CNTN4: variants seen among roughly 807,000 people sequenced by gnomAD.
The protein encoded by CNTN4 is contactin-4.
Under a neutral mutation model 122.5 loss-of-function variants are expected in CNTN4, and 77 were observed. That is an observed-to-expected ratio of 0.63 (90% CI 0.52 to 0.76). CNTN4 has a LOEUF of 0.76. Ranked by LOEUF, CNTN4 falls within the 30% of genes least tolerant of loss-of-function variation. The pLI is 0.00. For missense variants in CNTN4, 1,256 were observed against 1,259.1 expected, an observed-to-expected ratio of 1.00 and a Z score of 0.04; for synonymous variants, 512 against 447.0, an observed-to-expected ratio of 1.15 and a Z score of -1.83.
chr3:2,938,912 G>A (rs1239214710), intron 13 of CNTN4, among the ~76,000 whole-genome samples: 1 of 152,150 alleles, frequency 6.6e-6, no homozygotes, highest in Non-Finnish European at 1.5e-5. Context: ...ATGTCATTAA[G>A]AGCAATTAGA....
At chr3:2,219,295 T>A (rs1452130764) in intron 2 of CNTN4, among the ~76,000 whole-genome samples, 2 of 152,250 alleles carry the variant, frequency 1.3e-5, no homozygotes, top group Admixed American at 6.5e-5. Context: ...CATACATATG[T>A]ATAAAATTGT....
intron 2 of CNTN4, among the ~76,000 whole-genome samples, chr3:2,230,719 T>G (rs983552557): frequency 1.3e-5 from 2 of 152,156 alleles, no homozygotes; most frequent in Non-Finnish European, 2.9e-5. Context: ...GTGCGGTGGC[T>G]CACATCTGTA....
chr3:2,715,762 T>C (rs1453642520), intron 4 of CNTN4, among the ~76,000 whole-genome samples: 1 of 152,196 alleles, frequency 6.6e-6, no homozygotes, highest in Non-Finnish European at 1.5e-5. Flanking sequence ...GCTGAGACAG[T>C]GCGAGCTCTT....
At position 2,670,374 on chromosome 3, in the gene CNTN4, G is replaced by C. The variant is rs374756058; in HGVS notation, c.56-65841G>C. ...GCCTTCTTTGTCTCTTTTGATCTTTGTTGGTTTAAAGTCTGTTTTATCAGA... is the reference window on the plus strand; with the variant it reads ...GCCTTCTTTGTCTCTTTTGATCTTTCTTGGTTTAAAGTCTGTTTTATCAGA... On this transcript the variant is annotated intron_variant, in intron 4 of 24. Coordinates refer to ENST00000418658, the MANE Select transcript of CNTN4 (RefSeq NM_175607.3). Among the ~76,000 whole-genome samples the C allele has an allele frequency of 1.7e-3, 264 of 152,146 alleles. 2 individuals carry two copies. The highest frequency in any genetic ancestry group is 0.01 in the Middle Eastern group (3 of 294).
chr3:2,191,232 C>T (rs1314994982), intron 2 of CNTN4, among the ~76,000 whole-genome samples: 1 of 149,990 alleles, frequency 6.7e-6, no homozygotes, highest in Non-Finnish European at 1.5e-5. Flanking sequence ...CCATGCCCAA[C>T]TTATAATGTG....
At chr3:2,904,759 C>G (rs79904505) in intron 12 of CNTN4, among the ~76,000 whole-genome samples, 116 of 152,288 alleles carry the variant, frequency 7.6e-4, no homozygotes, top group Admixed American at 1.2e-3. Context: ...AGTGTGTTCT[C>G]TACTCTACTC....
chr3:2,886,495 T>A (rs73112795), intron 9 of CNTN4, among the ~76,000 whole-genome samples: 1 of 150,932 alleles, frequency 6.6e-6, no homozygotes, highest in Non-Finnish European at 1.5e-5. Context: ...ATGATGATAT[T>A]GTATAGGAGA....
Position 2,126,283 on chromosome 3 carries a change from A to T in CNTN4, c.-145+25644A>T, listed in dbSNP as rs374065202. ...ATGTCCATACTGCATATAGCTCCTTAAGATAATGGACTATGATTCTATCTT... is the reference window on the plus strand; with the variant it reads ...ATGTCCATACTGCATATAGCTCCTTTAGATAATGGACTATGATTCTATCTT... On this transcript the variant is annotated intron_variant, in intron 2 of 24. Coordinates refer to ENST00000418658, the MANE Select transcript of CNTN4 (RefSeq NM_175607.3). Among the ~76,000 whole-genome samples, 13 of 152,246 alleles carry T rather than the reference A, an allele frequency of 8.5e-5. No homozygotes were observed. In the East Asian group the frequency reaches 1.4e-3, roughly 16 times the overall value.
chr3:2,733,074 T>C (rs113019721), intron 4 of CNTN4, among the ~76,000 whole-genome samples: 3,036 of 152,338 alleles, frequency 0.02, 44 homozygotes, highest in Admixed American at 0.033. Flanking sequence ...CATGGCTACA[T>C]TGAGAAACAG....
intron 2 of CNTN4, among the ~76,000 whole-genome samples, chr3:2,268,361 A>G (rs2041139072): frequency 6.6e-6 from 1 of 152,080 alleles, no homozygotes; most frequent in Non-Finnish European, 1.5e-5. Context: ...TCTAGTATTT[A>G]CATGCGTGTG....
intron 4 of CNTN4, among the ~76,000 whole-genome samples, chr3:2,714,481 C>A (rs2087357307): frequency 1.3e-5 from 2 of 151,996 alleles, no homozygotes; most frequent in African/African-American, 4.8e-5. Flanking sequence ...GATGCTATGC[C>A]AAAAAAGAAC....
intron 14 of CNTN4, among the ~76,000 whole-genome samples, chr3:3,009,274 C>T (rs929566413): frequency 2.3e-4 from 35 of 152,290 alleles, no homozygotes; most frequent in Non-Finnish European, 3.8e-4. Context: ...TAACCTTTAC[C>T]TTTCAATTAT....
At chr3:2,400,450 T>TAC (rs71058616) in intron 3 of CNTN4, among the ~76,000 whole-genome samples, 1 of 131,720 alleles carries the variant, frequency 7.6e-6, no homozygotes, top group African/African-American at 2.8e-5. Context: ...TATATATATA[T>TAC]CTCTTTTTTT....
chr3:2,335,593 T>G lies in CNTN4; in HGVS notation c.-144-3585T>G, dbSNP rs867065816. 7.1e-3 allele frequency among the ~76,000 whole-genome samples: 1,084 copies of G among 151,840 alleles called. 22 individuals are homozygous for G. The highest frequency in any genetic ancestry group is 0.025 in the African/African-American group (1,032 of 41,440). On this transcript the variant is annotated intron_variant, in intron 2 of 24. Transcript: ENST00000418658. ...GAAAAAAATTCTGTGGGTTTTTTTT[T>G]TTTTTTTTTAACCTTCTTTCAAGGT... is the stretch of plus-strand genomic sequence containing the variant.
chr3:3,040,233 C>A lies in CNTN4; in HGVS notation c.2360C>A (p.Pro787His), dbSNP rs1458540201. The A allele has an allele frequency of 6.2e-7, 1 of 1,614,026 alleles. No individual in the cohort carries two copies. The highest frequency in any genetic ancestry group is 8.5e-7 in the Non-Finnish European group (1 of 1,179,986). The change falls in exon 20 of 25, where the codon CCT becomes CAT. Residue 787 changes from proline to histidine, a missense_variant. Pro to His is a moderately conservative substitution (Grantham distance 77). Coordinates refer to ENST00000418658, the MANE Select transcript of CNTN4 (RefSeq NM_175607.3). ...GTCTTCAACAACAAAGGAGAAGGCC[C>A]TTTCAGTCCCACCACGGTGGTGTAT... ...VGVFNNKGEGPFSPTTVVYSA... is the reference protein window; with the variant it reads ...VGVFNNKGEGHFSPTTVVYSA...
intron 3 of CNTN4, among the ~76,000 whole-genome samples, chr3:2,561,230 C>T (rs1175441885): frequency 6.6e-6 from 1 of 152,152 alleles, no homozygotes; most frequent in East Asian, 1.9e-4. Context: ...GTATGTGCAG[C>T]ATGCTTCATT....
chr3:2,883,233 C>G lies in CNTN4; in HGVS notation c.741C>G (p.Cys247Trp). ...TAKGATVKLECFALGNPVPTI... is the reference protein window; with the variant it reads ...TAKGATVKLEWFALGNPVPTI... The stretch of plus-strand genomic sequence containing the variant: ...AAGGAGCAACGGTGAAGCTGGAATG[C>G]TTTGCTTTAGGAAAGTAAGTTCTGG... The change falls in exon 9 of 25, where the codon TGC (cysteine) becomes TGG (tryptophan). Residue 247 changes from cysteine (C) to tryptophan (W), a missense_variant. Transcript: ENST00000418658. The G allele has an allele frequency of 6.2e-7, 1 of 1,613,320 alleles. No homozygotes were observed. The highest frequency in any genetic ancestry group is 8.5e-7 in the Non-Finnish European group (1 of 1,179,506).
intron 3 of CNTN4, among the ~76,000 whole-genome samples, chr3:2,412,087 A>G (rs1306547263): frequency 3.3e-5 from 5 of 152,020 alleles, no homozygotes. Flanking sequence ...GTACTGTTTT[A>G]TGTCTGGCTT....
intron 10 of CNTN4, among the ~76,000 whole-genome samples, chr3:2,888,944 C>T (rs763499412): frequency 7.9e-5 from 12 of 151,898 alleles, no homozygotes; most frequent in East Asian, 7.8e-4. Flanking sequence ...AGGGAGGCTA[C>T]GCTTCCTAGC....
Sources: allele counts gnomAD v4.1 joint callset (sites outside exome capture counted in the v4.1 genomes callset), GRCh38; gene constraint gnomAD v4.1.1; transcripts MANE v1.5; gene names NCBI Gene and HGNC (gene_info 2026-07-23, HGNC 2026-07-21).